The following CISH variants were observed in gnomAD, a reference collection of about 807,000 sequenced individuals.
CISH encodes the protein cytokine inducible SH2 containing protein, also known as cytokine-inducible SH2-containing protein.
Under a neutral mutation model 21.3 loss-of-function variants are expected in CISH, and 11 were observed. That is an observed-to-expected ratio of 0.52 (90% CI 0.32 to 0.85). The LOEUF (loss-of-function observed/expected upper bound fraction) is 0.85. Among genes scored for constraint, CISH ranks in the 40% least tolerant of loss-of-function variants. The pLI is 0.03. For synonymous variants in CISH, 118 were observed against 142.3 expected (o/e 0.83, Z 1.22); for missense variants, 280 against 351.7 (o/e 0.80, Z 1.63).
chr3:50,608,043 T>TGAC lies in CISH; in HGVS notation c.340_341insGTC (p.Tyr114delinsCysHis). The TGAC allele has an allele frequency of 6.2e-7, 1 of 1,613,892 alleles. No homozygotes were observed. The highest frequency in any genetic ancestry group is 8.5e-7 in the Non-Finnish European group (1 of 1,179,988). On this transcript the variant is annotated protein_altering_variant, in exon 3 of 3. Transcript: ENST00000348721. ...GGTTTTCACTGACAGCGTGAACAGG[T>TGAC]AGCTGGGGTGCGTGCTGTCACGTAC...
In CISH at chr3:50,608,453, G is replaced by C. The variant is rs562587305; in HGVS notation, c.161C>G (p.Thr54Arg). 6 of 1,613,842 alleles carry C rather than the reference G, an allele frequency of 3.7e-6. No homozygotes were observed. Among genetic ancestry groups the C allele is most frequent in the Middle Eastern group, 1.7e-4 (1 of 6,060 alleles). Residue 54 changes from threonine (T) to arginine (R), a missense_variant, in exon 2 of 3, where the codon ACA (threonine) becomes AGA (arginine). Transcript: ENST00000348721. ...GTCCAGCACCTTTGGCTCACTCTCT[G>C]TCTGGGCTGGGGTACCCTCTGCCAC... ...EEVAEGTPAQ[T>R]ESEPKVLDPE...
rs1186477173 is a variant in CISH at position 50,607,590 on chromosome 3, C to G, written c.*17G>C. ...CAGGGTGCGACTGGGTGAGGGTGGG[C>G]AGATTGCCCCGTACAGTCAGAGCTG... On this transcript the variant is annotated 3_prime_UTR_variant, in exon 3 of 3. Transcript: ENST00000348721. 6.3e-7 allele frequency: 1 copy of G among 1,593,396 alleles called. No individual in the cohort carries two copies. Among genetic ancestry groups the G allele is most frequent in the South Asian group, 1.1e-5 (1 of 88,614 alleles).
intron 1 of CISH, chr3:50,610,426 G>C: frequency 1.3e-6 from 2 of 1,551,584 alleles, no homozygotes; most frequent in Non-Finnish European, 1.7e-6. Flanking sequence ...GACAGTGGCT[G>C]GTGTGTTCTA....
intron 1 of CISH, chr3:50,610,648 C>T (rs1461077297): frequency 3.5e-6 from 5 of 1,425,610 alleles, no homozygotes; most frequent in African/African-American, 1.4e-5. Flanking sequence ...GAGGAAGGAA[C>T]TTGCTGGAGA....
chr3:50,610,641 G>A (rs1162679737), intron 1 of CISH: 2 of 1,430,298 alleles, frequency 1.4e-6, no homozygotes, highest in Admixed American at 2.8e-5. Flanking sequence ...CAGACAGGAG[G>A]AAGGAACTTG....
intron 1 of CISH, chr3:50,609,205 A>G (rs555504963): frequency 1.3e-5 from 2 of 152,270 alleles, no homozygotes; most frequent in East Asian, 3.9e-4. Flanking sequence ...ATAATCCCCT[A>G]CCCATACAAG....
rs1033327618 is a variant in CISH at position 50,611,076 on chromosome 3, C to T, written c.20+555G>A. On this transcript the variant is annotated intron_variant, in intron 1 of 2. Coordinates refer to ENST00000348721, the MANE Select transcript of CISH (RefSeq NM_145071.4). ...GTTGTGAGACGATTGTGGGGGTACC[C>T]CAAGCAGGACCAGGCCAAACCCAGG... 3 of 990,602 alleles carry T rather than the reference C, an allele frequency of 3.0e-6. No homozygotes were observed. The East Asian group carries it at 3.4e-4, about 112-fold the overall frequency. The allele number at this position is 990,602 out of a possible 1,614,324, so 61.4% of individuals were successfully genotyped here. A position where few individuals can be genotyped will look rare whatever the true frequency, so the allele number is the denominator to read the frequency against.
Position 50,606,950 on chromosome 3 carries a change from C to A in CISH, c.*657G>T, listed in dbSNP as rs2032169848. 1 of 152,526 alleles carries A rather than the reference C, an allele frequency of 6.6e-6. No individual in the cohort carries two copies. The highest frequency in any genetic ancestry group is 1.5e-5 in the Non-Finnish European group (1 of 68,338). 9.4% of individuals were successfully genotyped at this position (152,526 alleles called of 1,614,324 possible). On this transcript the variant is annotated 3_prime_UTR_variant, in exon 3 of 3. Transcript: ENST00000348721. Reference sequence around the variant, plus strand: ...ACGGGTGGGTCAGTACCAGGACATCCAGGATTGCCTTGGTTCCAGCAAGAT... The same window carrying A: ...ACGGGTGGGTCAGTACCAGGACATCAAGGATTGCCTTGGTTCCAGCAAGAT...
Position 50,608,404 on chromosome 3 carries a change from T to C in CISH, c.210A>G (p.Ile70Met). 1.2e-6 allele frequency: 2 copies of C among 1,612,200 alleles called. No homozygotes were observed. The highest frequency in any genetic ancestry group is 1.7e-4 in the Middle Eastern group (1 of 6,050). ...VLDPEEDLLC[I>M]AKTFSYLRES... is the part of the protein sequence containing the mutation. ...CCCGAAGGTAGGAGAAGGTCTTGGC[T>C]ATGCACAGCAGATCCTCCTCTGGGT... Residue 70 changes from isoleucine to methionine, a missense_variant, in exon 2 of 3, where the codon ATA becomes ATG. Transcript: ENST00000348721.
intron 1 of CISH, chr3:50,610,590 G>A (rs952182881): frequency 9.5e-6 from 14 of 1,479,100 alleles, no homozygotes; most frequent in Non-Finnish European, 1.3e-5. Flanking sequence ...CTCCTGGGGT[G>A]GAAGGCAGTG....
rs943434425 is a variant in CISH, at chr3:50,607,642, C to T, written c.742G>A (p.Ala248Thr). ...AAGGGGTACTGTCGGAGGTAGTCGG[C>T]CATGCGCCGGGGCAGTGGCAGGCAG... is the stretch of plus-strand genomic sequence containing the variant. ...VDCLPLPRRM[A>T]DYLRQYPFQL The change falls in exon 3 of 3, where the codon GCC becomes ACC. Residue 248 changes from alanine to threonine, a missense_variant. By Grantham distance (58) the Ala-to-Thr change is moderately conservative (BLOSUM62 0). Coordinates refer to ENST00000348721, the MANE Select transcript of CISH (RefSeq NM_145071.4). The T allele has an allele frequency of 2.5e-5, 41 of 1,613,298 alleles. No individual in the cohort carries two copies. Among genetic ancestry groups the T allele is most frequent in the Non-Finnish European group, 2.9e-5 (34 of 1,179,894 alleles).
In CISH at chr3:50,608,529, G is replaced by T; in HGVS notation, c.85C>A (p.Leu29Met). The change falls in exon 2 of 3, where the codon CTG becomes ATG. Residue 29 changes from leucine to methionine, a missense_variant. Transcript: ENST00000348721. ...QRPLWAPSLELPKPVMQPLPA... is the reference protein window; with the variant it reads ...QRPLWAPSLEMPKPVMQPLPA... The stretch of plus-strand genomic sequence containing the variant: ...AAGGGCTGCATGACTGGCTTGGGCA[G>T]TTCCAGGGACGGGGCCCACAGGGGC... 6.2e-7 allele frequency: 1 copy of T among 1,604,162 alleles called. No homozygotes were observed. The highest frequency in any genetic ancestry group is 8.5e-7 in the Non-Finnish European group (1 of 1,175,662).
intron 1 of CISH, chr3:50,611,123 A>G: frequency 1.1e-6 from 1 of 882,230 alleles, no homozygotes; most frequent in South Asian, 5.4e-5. Flanking sequence ...GTTGCAGACC[A>G]TCAGGTGCCA....
In CISH at chr3:50,611,618, G is replaced by A; in HGVS notation, c.20+13C>T. Reference sequence around the variant, plus strand: ...TCGTGGTGGCCGGGAAGGGGGCAGAGAGCCGCGCTTACCCCTGAACGCAGA... The same window carrying A: ...TCGTGGTGGCCGGGAAGGGGGCAGAAAGCCGCGCTTACCCCTGAACGCAGA... On this transcript the variant is annotated intron_variant, in intron 1 of 2. Transcript: ENST00000348721. 6.6e-7 allele frequency: 1 copy of A among 1,520,750 alleles called. No homozygotes were observed. Among genetic ancestry groups the A allele is most frequent in the Non-Finnish European group, 8.8e-7 (1 of 1,134,070 alleles). The allele number at this position is 1,520,750 out of a possible 1,614,324, so 94.2% of individuals were successfully genotyped here.
intron 1 of CISH, chr3:50,610,833 C>G: frequency 1.8e-6 from 2 of 1,086,802 alleles, no homozygotes; most frequent in Non-Finnish European, 2.2e-6. Flanking sequence ...TCCTGAGCTC[C>G]TGTCACATCA....
chr3:50,610,851 C>T (rs1575987500), intron 1 of CISH: 1 of 1,067,380 alleles, frequency 9.4e-7, no homozygotes, highest in African/African-American at 1.6e-5. Flanking sequence ...TCACCATGGC[C>T]AGCATCAGAC....
intron 1 of CISH, chr3:50,610,782 C>T (rs1049114509): frequency 8.5e-7 from 1 of 1,182,922 alleles, no homozygotes. Flanking sequence ...TCCCTGAGTG[C>T]AGAACACCCA....
At position 50,611,764 on chromosome 3, in the gene CISH, G is replaced by C; in HGVS notation, c.-114C>G. 2.2e-6 allele frequency: 3 copies of C among 1,350,422 alleles called. No homozygotes were observed. Among genetic ancestry groups the C allele is most frequent in the South Asian group, 1.7e-5 (1 of 58,888 alleles). The allele number at this position is 1,350,422 out of a possible 1,614,324, so 83.7% of individuals were successfully genotyped here. ...TAGGCTCCCGGGGCGCGCGGGCGCA[G>C]GACAGGGACTGAGAGGCAGTGGCGC... On this transcript the variant is annotated 5_prime_UTR_variant, in exon 1 of 3. Coordinates refer to ENST00000348721, the MANE Select transcript of CISH (RefSeq NM_145071.4).
intron 1 of CISH, chr3:50,610,724 C>A: frequency 1.6e-6 from 2 of 1,286,634 alleles, no homozygotes; most frequent in Non-Finnish European, 2.0e-6. Flanking sequence ...CTTCCACCCT[C>A]CCTCACTTGG....
Sources: allele counts gnomAD v4.1 joint callset, GRCh38; gene constraint gnomAD v4.1.1; transcripts MANE v1.5; gene names NCBI Gene and HGNC (gene_info 2026-07-23, HGNC 2026-07-21).